The following GABRB1 variants were observed in gnomAD, a reference collection of about 807,000 sequenced individuals.
GABRB1 encodes the protein gamma-aminobutyric acid type A receptor subunit beta1.
In GABRB1, 17 loss-of-function variants were observed where a neutral mutation model predicts 51.6. That is an observed-to-expected ratio of 0.33 (90% CI 0.23 to 0.49). The LOEUF is 0.49. GABRB1 is among the 20% of genes least tolerant of loss of function. The pLI is 0.99. For missense variants in GABRB1, 410 were observed against 600.6 expected (o/e 0.68, Z 3.32); for synonymous variants, 247 against 218.9 (o/e 1.13, Z -1.14).
rs111710524 is a variant in GABRB1 at position 47,249,760 on chromosome 4, C to T, written c.462-70367C>T. ...AAGAATAGCTACCCCTGCTTGCTTT[C>T]GGTGTCCATTTGCATGAAATGCCTT... is the stretch of plus-strand genomic sequence containing the variant. On this transcript the variant is annotated intron_variant, in intron 4 of 8. Transcript: ENST00000295454. Among the ~76,000 whole-genome samples, 296 of 152,186 alleles carry T rather than the reference C, an allele frequency of 1.9e-3. 3 individuals are homozygous for T. Among genetic ancestry groups the T allele is most frequent in the African/African-American group, 6.6e-3 (274 of 41,540 alleles).
intron 1 of GABRB1, among the ~76,000 whole-genome samples, chr4:47,009,317 A>T (rs1217673107): frequency 1.3e-5 from 2 of 151,820 alleles, no homozygotes; most frequent in Non-Finnish European, 2.9e-5. Flanking sequence ...CATTTACCAC[A>T]CAAAATATAT....
At chr4:47,293,748 C>G (rs1484778135) in intron 4 of GABRB1, among the ~76,000 whole-genome samples, 1 of 152,140 alleles carries the variant, frequency 6.6e-6, no homozygotes, top group Non-Finnish European at 1.5e-5. Flanking sequence ...AAGACACACA[C>G]ATACAGTTAT....
At chr4:47,350,458 C>G (rs1373168179) in intron 5 of GABRB1, among the ~76,000 whole-genome samples, 1 of 151,734 alleles carries the variant, frequency 6.6e-6, no homozygotes, top group African/African-American at 2.4e-5. Context: ...AGCTTTGCCA[C>G]TTATGCGGGT....
intron 3 of GABRB1, among the ~76,000 whole-genome samples, chr4:47,096,038 GTGGAGT>G (rs1714413626): frequency 1.3e-5 from 2 of 152,010 alleles, no homozygotes; most frequent in Admixed American, 6.6e-5. Context: ...TCATGGAGTT[GTGGAGT>G]TGGAGACGTA....
intron 4 of GABRB1, among the ~76,000 whole-genome samples, chr4:47,233,735 A>T (rs933847252): frequency 6.6e-6 from 1 of 152,192 alleles, no homozygotes; most frequent in African/African-American, 2.4e-5. Context: ...AATCTAAAAA[A>T]TTCAATTTGA....
At chr4:47,388,405 G>A (rs1374361548) in intron 5 of GABRB1, among the ~76,000 whole-genome samples, 1 of 152,148 alleles carries the variant, frequency 6.6e-6, no homozygotes, top group East Asian at 1.9e-4. Flanking sequence ...TGCCAGGGTC[G>A]AAATGGAGTA....
intron 4 of GABRB1, among the ~76,000 whole-genome samples, chr4:47,264,241 G>A (rs368690132): frequency 3.3e-5 from 5 of 152,126 alleles, no homozygotes; most frequent in Non-Finnish European, 5.9e-5. Context: ...ACTTAAACCC[G>A]TATTTTTTCC....
At chr4:47,214,936 G>A (rs976378995) in intron 4 of GABRB1, among the ~76,000 whole-genome samples, 8 of 152,128 alleles carry the variant, frequency 5.3e-5, no homozygotes, top group African/African-American at 1.9e-4. Flanking sequence ...ATATTTCTCA[G>A]CTTCCCTTAG....
At chr4:47,305,309 G>T (rs949278649) in intron 4 of GABRB1, among the ~76,000 whole-genome samples, 1 of 152,002 alleles carries the variant, frequency 6.6e-6, no homozygotes, top group Non-Finnish European at 1.5e-5. Flanking sequence ...TTAACCAATG[G>T]ACTAAAAATG....
intron 4 of GABRB1, among the ~76,000 whole-genome samples, chr4:47,190,803 G>A (rs1286579739): frequency 2.6e-5 from 4 of 152,104 alleles, no homozygotes; most frequent in Non-Finnish European, 5.9e-5. Context: ...GGTGGGGCCT[G>A]AGATCGTAGG....
intron 4 of GABRB1, among the ~76,000 whole-genome samples, chr4:47,293,826 T>A (rs1342515417): frequency 1.3e-5 from 2 of 152,230 alleles, no homozygotes; most frequent in African/African-American, 4.8e-5. Context: ...AGCAAAGTAA[T>A]GAACTTGTAT....
At position 47,403,172 on chromosome 4, in the gene GABRB1, A is replaced by C. The variant is rs190472480; in HGVS notation, c.545-146A>C. On this transcript the variant is annotated intron_variant, in intron 5 of 8. Coordinates refer to ENST00000295454, the MANE Select transcript of GABRB1 (RefSeq NM_000812.4). ...CTACTAACAAACCATCAGAAATAGC[A>C]CTCCACATGAGACCTGCATACCACC... is the stretch of plus-strand genomic sequence containing the variant. 16 of 725,020 alleles carry C rather than the reference A, an allele frequency of 2.2e-5. No homozygotes were observed. The East Asian group carries it at 4.0e-4, about 18-fold the overall frequency. The allele number at this position is 725,020 out of a possible 1,614,324, so 44.9% of individuals were successfully genotyped here.
chr4:47,148,401 C>T (rs542752164), intron 3 of GABRB1, among the ~76,000 whole-genome samples: 4 of 152,022 alleles, frequency 2.6e-5, no homozygotes, highest in South Asian at 2.1e-4. Context: ...TACGCTCATC[C>T]TTTATCCTAG....
chr4:47,074,369 T>C (rs142294876), intron 3 of GABRB1, among the ~76,000 whole-genome samples: 1 of 152,204 alleles, frequency 6.6e-6, no homozygotes, highest in Non-Finnish European at 1.5e-5. Flanking sequence ...TGGTAACATG[T>C]AAGGCTAATG....
chr4:46,996,513 G>T (rs904955160), intron 1 of GABRB1, among the ~76,000 whole-genome samples: 5 of 152,168 alleles, frequency 3.3e-5, no homozygotes, highest in African/African-American at 1.2e-4. Context: ...TTGTGTTTAT[G>T]TAAGTATGTG....
chr4:47,053,252 C>T (rs1358582112), intron 3 of GABRB1, among the ~76,000 whole-genome samples: 2 of 152,176 alleles, frequency 1.3e-5, no homozygotes, highest in Admixed American at 6.5e-5. Context: ...CCAAAATTAT[C>T]ATAGGCTCTG....
Position 47,046,972 on chromosome 4 carries a change from G to A in GABRB1, c.240+14488G>A, listed in dbSNP as rs535405367. The stretch of plus-strand genomic sequence containing the variant: ...ACATGGACACATAGAGCAGAACAAC[G>A]TGCACTGGAGCCTATCAGAGGCTGG... On this transcript the variant is annotated intron_variant, in intron 3 of 8. Transcript: ENST00000295454. Among the ~76,000 whole-genome samples, 5 of 152,122 alleles carry A rather than the reference G, an allele frequency of 3.3e-5. No individual in the cohort carries two copies. In the East Asian group the frequency reaches 5.8e-4, roughly 18 times the overall value.
intron 4 of GABRB1, among the ~76,000 whole-genome samples, chr4:47,294,205 C>G (rs770649421): frequency 7.2e-5 from 11 of 152,282 alleles, no homozygotes; most frequent in Middle Eastern, 3.4e-3. Context: ...TTCTGCATTT[C>G]CATCTGAGGT....
At chr4:47,175,031 TCCTCCCTCCCTCCTTC>T (rs970129028) in intron 4 of GABRB1, among the ~76,000 whole-genome samples, 2 of 141,738 alleles carry the variant, frequency 1.4e-5, no homozygotes, top group African/African-American at 2.6e-5. Context: ...CTTCCTTCCT[TCCTCCCTCCCTCCTTC>T]CCTCCCTCCC....
Sources: allele counts gnomAD v4.1 joint callset (sites outside exome capture counted in the v4.1 genomes callset), GRCh38; gene constraint gnomAD v4.1.1; transcripts MANE v1.5; gene names NCBI Gene and HGNC (gene_info 2026-07-23, HGNC 2026-07-21).